BEND7: variants seen among roughly 807,000 people sequenced by gnomAD.
The protein encoded by BEND7 is BEN domain-containing protein 7.
A neutral mutation model predicts 50.9 loss-of-function variants in BEND7; 28 were observed. The observed-to-expected ratio is 0.55, with a 90% CI of 0.41 to 0.75. The LOEUF (loss-of-function observed/expected upper bound fraction) is 0.75. Among genes scored for constraint, BEND7 ranks in the 30% least tolerant of loss-of-function variants. The pLI, the probability that BEND7 is intolerant of heterozygous loss-of-function variation, is 0.00. For synonymous variants in BEND7, 170 were observed against 183.9 expected (o/e 0.92, Z 0.61); for missense variants, 477 against 491.3 (o/e 0.97, Z 0.28).
chr10:13,503,750 A>G (rs2077657100), intron 2 of BEND7, among the ~76,000 whole-genome samples: 2 of 147,668 alleles, frequency 1.4e-5, no homozygotes, highest in African/African-American at 4.9e-5. Flanking sequence ...AACTAAAAGG[A>G]TGGAACACAG....
chr10:13,472,107 A>T (rs1446245113), intron 6 of BEND7, among the ~76,000 whole-genome samples: 1 of 150,662 alleles, frequency 6.6e-6, no homozygotes, highest in Non-Finnish European at 1.5e-5. Flanking sequence ...ACCCGTCATC[A>T]CTGTTAGACT....
At chr10:13,451,313 C>T (rs989670761) in intron 7 of BEND7, among the ~76,000 whole-genome samples, 1 of 151,816 alleles carries the variant, frequency 6.6e-6, no homozygotes, top group African/African-American at 2.4e-5. Context: ...CTTAGCCTCC[C>T]AAGTAGGTGG....
chr10:13,524,889 C>T (rs1396801825), intron 2 of BEND7, among the ~76,000 whole-genome samples: 1 of 152,036 alleles, frequency 6.6e-6, no homozygotes, highest in Admixed American at 6.6e-5. Context: ...TGACATTTCC[C>T]TCCTATTTTT....
intron 6 of BEND7, among the ~76,000 whole-genome samples, chr10:13,466,284 G>A (rs753251345): frequency 2.6e-5 from 4 of 151,444 alleles, no homozygotes; most frequent in Non-Finnish European, 4.4e-5. Context: ...TTAATAGGCC[G>A]GGCGCAGTGG....
chr10:13,485,247 G>C (rs1359129878), intron 5 of BEND7, among the ~76,000 whole-genome samples: 1 of 152,036 alleles, frequency 6.6e-6, no homozygotes, highest in African/African-American at 2.4e-5. Context: ...TTTATATAAG[G>C]TATTAGTAAG....
At chr10:13,450,158 A>C (rs527524699) in intron 7 of BEND7, among the ~76,000 whole-genome samples, 1 of 152,378 alleles carries the variant, frequency 6.6e-6, no homozygotes, top group African/African-American at 2.4e-5. Context: ...TTGGATTTGC[A>C]TAACGGCCTT....
intron 5 of BEND7, among the ~76,000 whole-genome samples, chr10:13,490,467 T>A (rs570835579): frequency 2.6e-5 from 4 of 152,168 alleles, no homozygotes; most frequent in African/African-American, 9.7e-5. Context: ...TCCCACTCAG[T>A]CCCCGTGTCC....
chr10:13,514,507 G>T (rs1039522964), intron 2 of BEND7, among the ~76,000 whole-genome samples: 1 of 152,138 alleles, frequency 6.6e-6, no homozygotes, highest in African/African-American at 2.4e-5. Context: ...TGCAGATGAC[G>T]TGTGGGAAAT....
At chr10:13,475,224 T>A (rs1412000611) in intron 6 of BEND7, among the ~76,000 whole-genome samples, 2 of 152,242 alleles carry the variant, frequency 1.3e-5, no homozygotes, top group African/African-American at 4.8e-5. Flanking sequence ...AAGCTATATT[T>A]CTGATGTAAT....
intron 3 of BEND7, among the ~76,000 whole-genome samples, chr10:13,498,871 C>T (rs1029818657): frequency 1.3e-5 from 2 of 152,122 alleles, no homozygotes; most frequent in Admixed American, 6.5e-5. Context: ...GCTGTCTCAT[C>T]AATGTCTCAG....
At chr10:13,456,666 C>T (rs527514892) in intron 6 of BEND7, among the ~76,000 whole-genome samples, 3 of 152,306 alleles carry the variant, frequency 2.0e-5, no homozygotes, top group African/African-American at 7.2e-5. Context: ...GCTTTGAAAT[C>T]TCTGCCACTA....
At chr10:13,448,694 T>G (rs886443100) in intron 7 of BEND7, among the ~76,000 whole-genome samples, 1 of 151,786 alleles carries the variant, frequency 6.6e-6, no homozygotes, top group African/African-American at 2.4e-5. Flanking sequence ...CCAACCTAGG[T>G]TGGATTAGAT....
chr10:13,447,156 C>G (rs962019578), intron 8 of BEND7, 110 bp downstream of exon 8: 154 of 1,102,058 alleles, frequency 1.4e-4, no homozygotes, highest in Non-Finnish European at 2.1e-4. Context: ...ACTGCAGAAG[C>G]AGTTTGCTCA....
chr10:13,463,974 G>T (rs897910495), intron 6 of BEND7, among the ~76,000 whole-genome samples: 1 of 152,246 alleles, frequency 6.6e-6, no homozygotes, highest in African/African-American at 2.4e-5. Flanking sequence ...TTCTACCACT[G>T]AGCCTCACTT....
At chr10:13,502,486 A>T (rs758823799) in intron 2 of BEND7, among the ~76,000 whole-genome samples, 2 of 152,202 alleles carry the variant, frequency 1.3e-5, no homozygotes, top group African/African-American at 4.8e-5. Flanking sequence ...AGATTTTATG[A>T]GAATGAACGA....
At chr10:13,476,806 G>A (rs1011277401) in intron 6 of BEND7, among the ~76,000 whole-genome samples, 2 of 152,148 alleles carry the variant, frequency 1.3e-5, no homozygotes, top group Non-Finnish European at 2.9e-5. Flanking sequence ...CAGCACTAAA[G>A]CCTAAGACTC....
chr10:13,449,850 G>A (rs1837308048), intron 7 of BEND7, among the ~76,000 whole-genome samples: 3 of 152,196 alleles, frequency 2.0e-5, no homozygotes, highest in Admixed American at 2.0e-4. Flanking sequence ...TGAGAGTCAA[G>A]GAGGAAGGCA....
intron 6 of BEND7, among the ~76,000 whole-genome samples, chr10:13,474,200 T>C (rs1257017441): frequency 6.6e-6 from 1 of 151,974 alleles, no homozygotes; most frequent in Admixed American, 6.5e-5. Flanking sequence ...CCATCATCGC[T>C]GTTAGACTCG....
chr10:13,505,454 TG>T (rs535166527), intron 2 of BEND7, among the ~76,000 whole-genome samples: 33 of 152,314 alleles, frequency 2.2e-4, no homozygotes, highest in African/African-American at 7.9e-4. Context: ...GTACTGGCCA[TG>T]GGTTCCTTTC....
Sources: gnomAD v4.1 joint callset for allele counts (sites outside exome capture counted in the v4.1 genomes callset) on GRCh38, gnomAD v4.1.1 for gene constraint, MANE v1.5 for transcripts, NCBI Gene and HGNC (gene_info 2026-07-23, HGNC 2026-07-21) for gene names.